PAPPA2: variants seen among roughly 807,000 people sequenced by gnomAD.
PAPPA2 encodes the protein pappalysin-2.
In PAPPA2, 86 loss-of-function variants were observed where a neutral mutation model predicts 176.4. That is an observed-to-expected ratio of 0.49 (90% confidence interval 0.41 to 0.58). PAPPA2 has a LOEUF of 0.58. Ranked by LOEUF, PAPPA2 falls within the 20% of genes least tolerant of loss-of-function variation. The pLI is 0.00. For synonymous variants in PAPPA2, 809 were observed against 852.2 expected (o/e 0.95, Z 0.88); for missense variants, 2,073 against 2,256.9 (o/e 0.92, Z 1.65).
chr1:176,710,207 C>G (rs983593859), intron 11 of PAPPA2, 31 bp downstream of exon 11: 2 of 1,595,466 alleles, frequency 1.3e-6, no homozygotes, highest in Admixed American at 3.4e-5. Flanking sequence ...AGAGTCGAGC[C>G]TGCGCAAAAT....
intron 3 of PAPPA2, among the ~76,000 whole-genome samples, chr1:176,654,070 G>T (rs1250098504): frequency 6.6e-6 from 1 of 151,418 alleles, no homozygotes; most frequent in African/African-American, 2.4e-5. Context: ...TCTCATATTT[G>T]TCTATTTTTG....
intron 3 of PAPPA2, among the ~76,000 whole-genome samples, chr1:176,664,114 C>T (rs1157970266): frequency 6.6e-6 from 1 of 151,986 alleles, no homozygotes; most frequent in African/African-American, 2.4e-5. Context: ...TTTTATTTTC[C>T]AGTGGTATTA....
chr1:176,842,305 G>T, intron 22 of PAPPA2, 75 bp from the exon 23 acceptor site: 1 of 1,371,832 alleles, frequency 7.3e-7, no homozygotes, highest in South Asian at 1.2e-5. Context: ...ACCAAGTGAG[G>T]AAAGTGAAAG....
chr1:176,713,563 G>T (rs1463316934), intron 12 of PAPPA2, among the ~76,000 whole-genome samples: 1 of 152,170 alleles, frequency 6.6e-6, no homozygotes, highest in Admixed American at 6.5e-5. Context: ...TTAGCTACCA[G>T]TGAGCTTCCT....
In PAPPA2 at chr1:176,829,289, G is replaced by GGGA. The variant is rs550144882; in HGVS notation, c.5203-10884_5203-10883insGGA. 2.6e-3 allele frequency among the ~76,000 whole-genome samples: 376 copies of GGGA among 145,068 alleles called. 1 individual carries two copies. The highest frequency in any genetic ancestry group is 8.9e-3 in the African/African-American group (355 of 39,742). On this transcript the variant is annotated intron_variant, in intron 21 of 22. Coordinates refer to ENST00000367662, the MANE Select transcript of PAPPA2 (RefSeq NM_020318.3). ...GAGGGAGAGAATGAGAGAGAATGGG[G>GGGA]AAAAAAAAAAAGATGCTCAGCAAAC...
intron 1 of PAPPA2, among the ~76,000 whole-genome samples, chr1:176,518,873 G>A (rs1649064484): frequency 6.6e-6 from 1 of 152,054 alleles, no homozygotes; most frequent in Admixed American, 6.6e-5. Flanking sequence ...TACTGGAAAA[G>A]CAACTTAAAG....
intron 12 of PAPPA2, among the ~76,000 whole-genome samples, chr1:176,734,094 G>A (rs1662287079): frequency 6.6e-6 from 1 of 152,088 alleles, no homozygotes; most frequent in Non-Finnish European, 1.5e-5. Context: ...TGAAAGAGGG[G>A]ATGCAGCTGA....
chr1:176,653,452 T>C (rs1298918313), intron 3 of PAPPA2, among the ~76,000 whole-genome samples: 1 of 151,754 alleles, frequency 6.6e-6, no homozygotes, highest in East Asian at 2.0e-4. Context: ...GACAGGAATT[T>C]GGGTACATCT....
chr1:176,544,058 G>T (rs1403745974), intron 1 of PAPPA2, among the ~76,000 whole-genome samples: 1 of 152,182 alleles, frequency 6.6e-6, no homozygotes, highest in East Asian at 1.9e-4. Context: ...TTTAGTGTTA[G>T]ATCAGAGGGC....
chr1:176,815,712 A>C (rs1305429603), intron 21 of PAPPA2, among the ~76,000 whole-genome samples: 1 of 114,324 alleles, frequency 8.7e-6, no homozygotes, highest in Admixed American at 8.8e-5. Context: ...ATGAGACGTC[A>C]ATCAACACGT....
chr1:176,557,090 C>T lies in PAPPA2; in HGVS notation c.768C>T (p.Ser256=), dbSNP rs1368432549. The T allele has an allele frequency of 2.5e-6, 4 of 1,613,950 alleles. No homozygotes were observed. In the South Asian group the frequency reaches 3.3e-5, roughly 13 times the overall value. Residue 256 remains serine, a synonymous_variant, in exon 2 of 23, where the codon TCC becomes TCT. Transcript: ENST00000367662. ...GSYREAETFN[S]QVGLPILYFS... ...ACCGAGAAGCAGAGACCTTTAACTC[C>T]CAAGTAGGACTGCCCATCTTATACT...
chr1:176,536,781 T>A (rs1215905437), intron 1 of PAPPA2, among the ~76,000 whole-genome samples: 1 of 152,072 alleles, frequency 6.6e-6, no homozygotes, highest in Non-Finnish European at 1.5e-5. Context: ...AGAGTCCGAG[T>A]GGGAGGGCAT....
At chr1:176,582,174 G>A (rs191607482) in intron 2 of PAPPA2, among the ~76,000 whole-genome samples, 2 of 152,022 alleles carry the variant, frequency 1.3e-5, no homozygotes, top group Admixed American at 6.5e-5. Context: ...TGATCCACCC[G>A]CCTCGGCCTC....
chr1:176,706,630 T>C (rs548216682), intron 10 of PAPPA2, among the ~76,000 whole-genome samples, 180 bp downstream of exon 10: 1 of 152,290 alleles, frequency 6.6e-6, no homozygotes, highest in South Asian at 2.1e-4. Flanking sequence ...TTAGAATAAC[T>C]GGGGAAGACA....
intron 7 of PAPPA2, among the ~76,000 whole-genome samples, 181 bp downstream of exon 7, chr1:176,696,040 C>T (rs897647976): frequency 6.6e-6 from 1 of 150,924 alleles, no homozygotes; most frequent in African/African-American, 2.4e-5. Context: ...TGCCTGGTGC[C>T]GCTGTGTGCA....
intron 21 of PAPPA2, among the ~76,000 whole-genome samples, chr1:176,839,511 T>TG (rs1263824942): frequency 6.6e-6 from 1 of 152,068 alleles, no homozygotes; most frequent in Non-Finnish European, 1.5e-5. Flanking sequence ...GCTGTACCTG[T>TG]GGGAATATTT....
intron 3 of PAPPA2, among the ~76,000 whole-genome samples, chr1:176,658,024 T>G (rs1177300527): frequency 6.6e-6 from 1 of 152,026 alleles, no homozygotes; most frequent in Non-Finnish European, 1.5e-5. Context: ...TGTGCTAAGT[T>G]TCTATCATGC....
At chr1:176,769,862 C>A in intron 16 of PAPPA2, 78 bp downstream of exon 16, 1 of 1,411,072 alleles carries the variant, frequency 7.1e-7, no homozygotes, top group Non-Finnish European at 9.6e-7. Flanking sequence ...GGACTCTTTT[C>A]GTTACCCCAA....
chr1:176,731,688 T>TATATGTGTACATATATGTGTATATATAC (rs1662156149), intron 12 of PAPPA2, among the ~76,000 whole-genome samples: 2 of 150,944 alleles, frequency 1.3e-5, no homozygotes, highest in Admixed American at 6.6e-5. Flanking sequence ...TATATATACA[T>TATATGTGTACATATATGTGTATATATAC]ATATGTGTAC....
Sources: gnomAD v4.1 joint callset for allele counts (sites outside exome capture counted in the v4.1 genomes callset) on GRCh38, gnomAD v4.1.1 for gene constraint, MANE v1.5 for transcripts, NCBI Gene and HGNC (gene_info 2026-07-23, HGNC 2026-07-21) for gene names.